SGMS2: variants seen among roughly 807,000 people sequenced by gnomAD.
SGMS2 encodes the protein sphingomyelin synthase 2.
Under a neutral mutation model 43.8 loss-of-function variants are expected in SGMS2, and 21 were observed. The observed-to-expected ratio is 0.48, with a 90% CI of 0.34 to 0.69. The LOEUF is 0.69. Ranked by LOEUF, SGMS2 falls within the 30% of genes least tolerant of loss-of-function variation. The probability of loss-of-function intolerance (pLI) is 0.01; values close to 1 mark genes in which losing one functional copy is unlikely to be tolerated. For synonymous variants in SGMS2, 167 were observed against 160.6 expected (o/e 1.04, Z -0.30); for missense variants, 384 against 443.2 (o/e 0.87, Z 1.20).
At chr4:107,896,833 G>T (rs1730711782) in intron 3 of SGMS2, among the ~76,000 whole-genome samples, 1 of 152,088 alleles carries the variant, frequency 6.6e-6, no homozygotes, top group Non-Finnish European at 1.5e-5. Context: ...TAAAAACGAA[G>T]GCTCCTTAAT....
chr4:107,832,437 A>T (rs534141738), intron 1 of SGMS2, among the ~76,000 whole-genome samples: 1 of 152,276 alleles, frequency 6.6e-6, no homozygotes, highest in African/African-American at 2.4e-5. Flanking sequence ...TTACTCCTAA[A>T]ATTCACTTTA....
At chr4:107,845,659 G>T (rs1362114483) in intron 1 of SGMS2, among the ~76,000 whole-genome samples, 1 of 152,332 alleles carries the variant, frequency 6.6e-6, no homozygotes, top group East Asian at 1.9e-4. Context: ...TGGGCTACAA[G>T]TATGTTCTTA....
chr4:107,840,836 C>A (rs552800101), intron 1 of SGMS2, among the ~76,000 whole-genome samples: 10 of 152,268 alleles, frequency 6.6e-5, no homozygotes, highest in Admixed American at 3.9e-4. Flanking sequence ...TGGAGGCCAT[C>A]TTTCAGGGTT....
At chr4:107,910,289 A>C (rs1732009356) in intron 6 of SGMS2, 61 bp from the exon 7 acceptor site, 2 of 1,395,444 alleles carry the variant, frequency 1.4e-6, no homozygotes. Context: ...ATTTAAGAAA[A>C]TAATTGGGAT....
chr4:107,825,863 C>T (rs1180377351), intron 1 of SGMS2, among the ~76,000 whole-genome samples: 1 of 151,996 alleles, frequency 6.6e-6, no homozygotes, highest in Non-Finnish European at 1.5e-5. Context: ...AATGTTATGT[C>T]CTGTAGTCTT....
chr4:107,894,946 G>T (rs984689829), intron 2 of SGMS2, among the ~76,000 whole-genome samples: 4 of 152,138 alleles, frequency 2.6e-5, no homozygotes, highest in African/African-American at 9.7e-5. Context: ...AGGAAGGATT[G>T]ATGTGATCTC....
chr4:107,910,102 A>G (rs1249847071), intron 6 of SGMS2, among the ~76,000 whole-genome samples: 2 of 152,136 alleles, frequency 1.3e-5, no homozygotes, highest in Non-Finnish European at 2.9e-5. Context: ...ATCCATTCCC[A>G]GAGTCTCCAT....
intron 2 of SGMS2, among the ~76,000 whole-genome samples, chr4:107,860,281 CA>C (rs1216085192): frequency 6.6e-6 from 1 of 151,956 alleles, no homozygotes; most frequent in African/African-American, 2.4e-5. Context: ...TTTTTTAAAG[CA>C]GTTACAGAAT....
chr4:107,832,381 C>T (rs1725938199), intron 1 of SGMS2, among the ~76,000 whole-genome samples: 1 of 152,180 alleles, frequency 6.6e-6, no homozygotes, highest in Non-Finnish European at 1.5e-5. Flanking sequence ...TACTTATATT[C>T]ACTATGTGTC....
intron 1 of SGMS2, among the ~76,000 whole-genome samples, chr4:107,843,168 GT>G (rs911201117): frequency 6.9e-4 from 98 of 142,878 alleles, no homozygotes; most frequent in Middle Eastern, 3.6e-3. Context: ...AGACTCACTG[GT>G]TTTTTTTTTT....
chr4:107,890,038 T>A (rs1730074528), intron 2 of SGMS2, among the ~76,000 whole-genome samples: 1 of 152,192 alleles, frequency 6.6e-6, no homozygotes, highest in Admixed American at 6.6e-5. Context: ...AAAAAAATTT[T>A]TTTAAAACAA....
At chr4:107,870,165 T>G (rs1478102652) in intron 2 of SGMS2, among the ~76,000 whole-genome samples, 1 of 152,322 alleles carries the variant, frequency 6.6e-6, no homozygotes, top group Non-Finnish European at 1.5e-5. Flanking sequence ...AAAATAATCT[T>G]GTATGTAGCT....
chr4:107,892,419 A>G (rs1488184510), intron 2 of SGMS2, among the ~76,000 whole-genome samples: 1 of 124,950 alleles, frequency 8.0e-6, no homozygotes, highest in South Asian at 2.4e-4. Context: ...GTTAAAGGTC[A>G]GGGGCACCTC....
chr4:107,877,671 G>A (rs1319188712), intron 2 of SGMS2, among the ~76,000 whole-genome samples: 1 of 152,086 alleles, frequency 6.6e-6, no homozygotes, highest in East Asian at 1.9e-4. Flanking sequence ...ATCCTGTAAA[G>A]ATTTTTTGTG....
At chr4:107,831,931 T>A (rs1158483815) in intron 1 of SGMS2, among the ~76,000 whole-genome samples, 3 of 152,170 alleles carry the variant, frequency 2.0e-5, no homozygotes, top group Admixed American at 1.3e-4. Context: ...ACTGGTACTG[T>A]CCCTCACAGA....
intron 1 of SGMS2, among the ~76,000 whole-genome samples, chr4:107,831,645 C>T (rs147853244): frequency 4.3e-4 from 66 of 152,264 alleles, no homozygotes; most frequent in African/African-American, 1.3e-3. Flanking sequence ...CATTCTTTCT[C>T]GTTAAGGTGG....
intron 1 of SGMS2, among the ~76,000 whole-genome samples, chr4:107,835,705 A>G (rs1412652787): frequency 6.6e-6 from 1 of 152,226 alleles, no homozygotes; most frequent in Non-Finnish European, 1.5e-5. Context: ...ATAAGTAGCC[A>G]AGTAAGAAAG....
intron 1 of SGMS2, among the ~76,000 whole-genome samples, chr4:107,840,119 A>G (rs1030252989): frequency 6.6e-6 from 1 of 152,210 alleles, no homozygotes; most frequent in Non-Finnish European, 1.5e-5. Flanking sequence ...CATAACTTTT[A>G]TACACATATG....
In SGMS2 at chr4:107,914,181, G is replaced by A. The variant is rs147485413; in HGVS notation, c.*3628G>A. On this transcript the variant is annotated 3_prime_UTR_variant, in exon 7 of 7. Coordinates refer to ENST00000690982, the MANE Select transcript of SGMS2 (RefSeq NM_001375905.1). ...ATTTCTTCTATTAAGAAGTGCTCTTGACTTCAACACCCAAACACTGAAAAT... is the reference window on the plus strand; with the variant it reads ...ATTTCTTCTATTAAGAAGTGCTCTTAACTTCAACACCCAAACACTGAAAAT... 2 of 151,972 alleles carry A rather than the reference G, an allele frequency of 1.3e-5. No individual in the cohort carries two copies. The highest frequency in any genetic ancestry group is 2.9e-5 in the Non-Finnish European group (2 of 67,944). 9.4% of individuals were successfully genotyped at this position (151,972 alleles called of 1,614,324 possible).
Sources: gnomAD v4.1 joint callset for allele counts (sites outside exome capture counted in the v4.1 genomes callset) on GRCh38, gnomAD v4.1.1 for gene constraint, MANE v1.5 for transcripts, NCBI Gene and HGNC (gene_info 2026-07-23, HGNC 2026-07-21) for gene names.